The following AOPEP variants were observed in gnomAD, a reference collection of about 807,000 sequenced individuals.
AOPEP encodes aminopeptidase O (putative).
Under a neutral mutation model 98.1 loss-of-function variants are expected in AOPEP, and 77 were observed. The observed-to-expected ratio is 0.78, with a 90% CI of 0.65 to 0.95. The LOEUF (loss-of-function observed/expected upper bound fraction) is 0.95, where lower values mean the gene tolerates loss of function less well. AOPEP is among the 40% of genes least tolerant of loss of function. The probability of loss-of-function intolerance (pLI) is 0.00; values close to 1 mark genes in which losing one functional copy is unlikely to be tolerated. For synonymous variants in AOPEP, 346 were observed against 365.3 expected, an observed-to-expected ratio of 0.95 and a Z score of 0.60; for missense variants, 1,024 against 1,024.7, an observed-to-expected ratio of 1.00 and a Z score of 0.01.
intron 13 of AOPEP, among the ~76,000 whole-genome samples, chr9:95,037,207 T>G (rs1327919315): frequency 6.6e-6 from 1 of 152,202 alleles, no homozygotes; most frequent in Non-Finnish European, 1.5e-5. Flanking sequence ...TTTTTTTACC[T>G]CACCTTTTAG....
At chr9:95,081,869 A>G (rs1234619743) in intron 15 of AOPEP, among the ~76,000 whole-genome samples, 1 of 152,148 alleles carries the variant, frequency 6.6e-6, no homozygotes, top group Non-Finnish European at 1.5e-5. Context: ...AGCGGAATGT[A>G]ACTCGTGGCA....
the AOPEP span, among the ~76,000 whole-genome samples, chr9:95,120,580 A>G: frequency 5.9e-5 from 9 of 151,550 alleles, no homozygotes; most frequent in East Asian, 1.6e-3. Context: ...TGCCCAGCTA[A>G]TTTTTTATTT....
intron 14 of AOPEP, among the ~76,000 whole-genome samples, chr9:95,077,451 C>T (rs990003618): frequency 6.6e-6 from 1 of 152,230 alleles, no homozygotes; most frequent in Non-Finnish European, 1.5e-5. Context: ...TGAGGAGTGC[C>T]CACTGGTGCC....
At chr9:95,053,854 G>A (rs2066599036) in intron 13 of AOPEP, among the ~76,000 whole-genome samples, 1 of 151,978 alleles carries the variant, frequency 6.6e-6, no homozygotes, top group South Asian at 2.1e-4. Flanking sequence ...CAAATAGCTG[G>A]GACTACAGAT....
intron 16 of AOPEP, chr9:95,085,783 ATTC>A (rs1196090265): frequency 6.1e-6 from 4 of 654,796 alleles, no homozygotes; most frequent in African/African-American, 5.7e-5. Flanking sequence ...AGTTGCAAAA[ATTC>A]TTCTTACAAA....
chr9:94,852,756 ATTG>A (rs1318352189), intron 5 of AOPEP, among the ~76,000 whole-genome samples: 2 of 152,204 alleles, frequency 1.3e-5, no homozygotes, highest in African/African-American at 4.8e-5. Context: ...GTGAATCATT[ATTG>A]TTGTAGGAAT....
chr9:94,967,667 C>G (rs2059290481), intron 9 of AOPEP, 91 bp from the exon 10 acceptor site: 1 of 1,007,354 alleles, frequency 9.9e-7, no homozygotes, highest in Admixed American at 1.8e-5. Context: ...GGTGAGCTGT[C>G]AGTAGCTGGG....
chr9:94,738,423 T>G (rs1832260164), intron 1 of AOPEP, among the ~76,000 whole-genome samples: 1 of 152,170 alleles, frequency 6.6e-6, no homozygotes, highest in African/African-American at 2.4e-5. Context: ...CATGAAGTGT[T>G]TGTGTAGTGG....
At chr9:95,134,640 C>T in the AOPEP span, among the ~76,000 whole-genome samples, 1 of 152,202 alleles carries the variant, frequency 6.6e-6, no homozygotes, top group East Asian at 1.9e-4. Context: ...TTTCAGGGTG[C>T]CTTGGTCTTT....
intron 5 of AOPEP, among the ~76,000 whole-genome samples, chr9:94,843,276 T>C (rs2042488479): frequency 6.6e-6 from 1 of 152,190 alleles, no homozygotes; most frequent in Non-Finnish European, 1.5e-5. Context: ...CCCACCCCAC[T>C]TTCCTGCTGC....
chr9:94,824,581 C>T (rs1430545019), intron 5 of AOPEP: 1 of 152,128 alleles, frequency 6.6e-6, no homozygotes, highest in African/African-American at 2.4e-5. Context: ...ATCTGTATAT[C>T]ATGGGAGTGT....
At chr9:94,773,226 C>G in intron 3 of AOPEP, 58 bp downstream of exon 3, 4 of 1,425,330 alleles carry the variant, frequency 2.8e-6, no homozygotes, top group Non-Finnish European at 2.9e-6. Context: ...ACCCAGGAAC[C>G]CAATAAACAG....
At chr9:94,895,219 T>TAATA (rs1204411552) in intron 5 of AOPEP, among the ~76,000 whole-genome samples, 1 of 60,688 alleles carries the variant, frequency 1.6e-5, no homozygotes, top group African/African-American at 5.2e-5. Flanking sequence ...TCATCTCTAC[T>TAATA]AAAAAAAAAT....
intron 11 of AOPEP, among the ~76,000 whole-genome samples, chr9:94,990,359 A>G (rs2060813854): frequency 6.6e-6 from 1 of 152,194 alleles, no homozygotes; most frequent in Admixed American, 6.5e-5. Flanking sequence ...GGACTACTGC[A>G]TCCCTAATAA....
chr9:94,863,331 A>T (rs2045311615), intron 5 of AOPEP, among the ~76,000 whole-genome samples: 1 of 130,394 alleles, frequency 7.7e-6, no homozygotes, highest in African/African-American at 3.0e-5. Context: ...CCCAGGCTGG[A>T]GTGCAGTGGC....
chr9:95,050,599 C>T (rs1410113323), intron 13 of AOPEP, among the ~76,000 whole-genome samples: 1 of 152,096 alleles, frequency 6.6e-6, no homozygotes, highest in African/African-American at 2.4e-5. Flanking sequence ...TCCAGCAATC[C>T]TTCATGTAGT....
intron 4 of AOPEP, among the ~76,000 whole-genome samples, chr9:94,799,861 C>CAA (rs34659070): frequency 1.7e-5 from 2 of 119,948 alleles, no homozygotes; most frequent in South Asian, 2.6e-4. Context: ...GATTCCATCT[C>CAA]AAAAAAAAAA....
At chr9:95,078,631 C>CG (rs1194729908) in intron 14 of AOPEP, among the ~76,000 whole-genome samples, 1 of 152,268 alleles carries the variant, frequency 6.6e-6, no homozygotes, top group Admixed American at 6.5e-5. Context: ...CCCCAGCTGT[C>CG]GCTCCCATCC....
intron 5 of AOPEP, among the ~76,000 whole-genome samples, chr9:94,821,139 G>A (rs1350611991): frequency 6.7e-6 from 1 of 150,370 alleles, no homozygotes; most frequent in African/African-American, 2.4e-5. Context: ...TATTTTTCTG[G>A]TTAAGAGAAG....
Sources: allele counts gnomAD v4.1 joint callset (sites outside exome capture counted in the v4.1 genomes callset), GRCh38; gene constraint gnomAD v4.1.1; transcripts MANE v1.5; gene names NCBI Gene and HGNC (gene_info 2026-07-23, HGNC 2026-07-21).